Variants in MACF1 observed in about 807,000 individuals in gnomAD.
The protein encoded by MACF1 is microtubule actin crosslinking factor 1.
MACF1 carries 193 observed loss-of-function variants against 854.8 expected under a neutral mutation model. The ratio of observed to expected loss-of-function variants is 0.23; its 90% confidence interval spans 0.20 to 0.25. The LOEUF is 0.25. Among genes scored for constraint, MACF1 ranks in the 10% least tolerant of loss-of-function variants. The pLI is 1.00. For synonymous variants in MACF1, 3,185 were observed against 3,226.7 expected, an observed-to-expected ratio of 0.99 and a Z score of 0.44; for missense variants, 7,722 against 8,929.1, an observed-to-expected ratio of 0.86 and a Z score of 5.45.
At chr1:39,199,269 G>A (rs1474234703) in intron 2 of MACF1, among the ~76,000 whole-genome samples, 1 of 151,868 alleles carries the variant, frequency 6.6e-6, no homozygotes, top group Admixed American at 6.5e-5. Flanking sequence ...ACAGGCGTGA[G>A]CCACTGTGCC....
intron 92 of MACF1, 66 bp from the exon 93 acceptor site, chr1:39,461,817 A>G: frequency 9.9e-7 from 1 of 1,008,318 alleles, no homozygotes; most frequent in Non-Finnish European, 1.4e-6. Context: ...AAAAAAAAAA[A>G]ATCTATAACC....
At chr1:39,205,579 T>C (rs1644440517) in intron 1 of MACF1, among the ~76,000 whole-genome samples, 2 of 152,114 alleles carry the variant, frequency 1.3e-5, no homozygotes, top group Non-Finnish European at 2.9e-5. Context: ...TGGTGTGTTT[T>C]GGGGTGAGAA....
intron 2 of MACF1, among the ~76,000 whole-genome samples, chr1:39,100,560 A>G (rs1192641656): frequency 6.6e-6 from 1 of 152,200 alleles, no homozygotes; most frequent in Non-Finnish European, 1.5e-5. Context: ...CATGCATTTA[A>G]TCAAAAATTT....
chr1:39,268,926 G>A (rs16826022), intron 6 of MACF1: 1 of 1,287,716 alleles, frequency 7.8e-7, no homozygotes, highest in South Asian at 1.2e-5. Flanking sequence ...GGAAGACGGA[G>A]TGGGAGGGGT....
rs747821144 is a variant in MACF1, at chr1:39,447,851, A to G, written c.19921A>G (p.Ile6641Val). The G allele has an allele frequency of 1.6e-5, 26 of 1,614,000 alleles. No homozygotes were observed. The highest frequency in any genetic ancestry group is 2.2e-5 in the East Asian group (1 of 44,894). Residue 6641 changes from isoleucine (I) to valine (V), a missense_variant, in exon 82 of 101, where the codon ATT becomes GTT. Ile to Val is a conservative substitution (Grantham distance 29). This residue lies in a region of MACF1 where 729 missense variants were observed against 900.5 expected (regional missense o/e 0.81). Coordinates refer to ENST00000564288, the MANE Select transcript of MACF1 (RefSeq NM_001394062.1). ...SRWEKVVQRS[I>V]ERGRSLDDAR... ...ATGGGAGAAGGTTGTCCAGCGATCTATTGAAAGAGGGCGATCACTAGATGA... is the reference window on the plus strand; with the variant it reads ...ATGGGAGAAGGTTGTCCAGCGATCTGTTGAAAGAGGGCGATCACTAGATGA...
intron 65 of MACF1, among the ~76,000 whole-genome samples, chr1:39,430,279 T>TAAAA (rs1277119536): frequency 6.6e-6 from 1 of 152,088 alleles, no homozygotes; most frequent in Non-Finnish European, 1.5e-5. Flanking sequence ...TGTAACATTT[T>TAAAA]AACCTCTATT....
At chr1:39,205,870 C>G (rs989482041) in intron 1 of MACF1, among the ~76,000 whole-genome samples, 2 of 152,046 alleles carry the variant, frequency 1.3e-5, no homozygotes, top group Non-Finnish European at 2.9e-5. Flanking sequence ...CTGTTGACTT[C>G]TAAACACTCA....
intron 87 of MACF1, 36 bp from the exon 88 acceptor site, chr1:39,453,670 CT>C (rs745522177): frequency 6.2e-7 from 1 of 1,604,076 alleles, no homozygotes; most frequent in Non-Finnish European, 8.5e-7. Flanking sequence ...CTAATGTAGA[CT>C]TTTTACGTTT....
At chr1:39,417,485 G>A (rs1643359442) in intron 58 of MACF1, among the ~76,000 whole-genome samples, 1 of 151,932 alleles carries the variant, frequency 6.6e-6, no homozygotes, top group Admixed American at 6.6e-5. Context: ...ATCTTCATTG[G>A]TTTTTTGCAT....
Position 39,434,401 on chromosome 1 carries a change from T to C in MACF1, c.17566-13T>C. The C allele has an allele frequency of 7.0e-7, 1 of 1,438,236 alleles. No homozygotes were observed. Among genetic ancestry groups the C allele is most frequent in the Non-Finnish European group, 9.5e-7 (1 of 1,053,936 alleles). 89.1% of individuals were successfully genotyped at this position (1,438,236 alleles called of 1,614,324 possible). On this transcript the variant is annotated splice_polypyrimidine_tract_variant and intron_variant, in intron 68 of 100. Transcript: ENST00000564288. Reference sequence around the variant, plus strand: ...AATACTTATCCTTTTTTTTTTTTTTTTTGCTCACATAGGAAAAGACAGAGT... The same window carrying C: ...AATACTTATCCTTTTTTTTTTTTTTCTTGCTCACATAGGAAAAGACAGAGT...
In MACF1 at chr1:39,182,999, A is replaced by G. The variant is rs1644124372; in HGVS notation, c.221-48183A>G. Reference sequence around the variant, plus strand: ...TGGATAAACACACTGTGGCATATCCATACAACAGAATATTATTTGTCAGTG... The same window carrying G: ...TGGATAAACACACTGTGGCATATCCGTACAACAGAATATTATTTGTCAGTG... On this transcript the variant is annotated intron_variant, in intron 2 of 93. Transcript: ENST00000361689. 2.6e-5 allele frequency among the ~76,000 whole-genome samples: 4 copies of G among 152,212 alleles called. No individual in the cohort carries two copies. In the South Asian group the frequency reaches 8.3e-4, roughly 32 times the overall value.
intron 61 of MACF1, among the ~76,000 whole-genome samples, chr1:39,426,347 A>C (rs866529045): frequency 6.6e-6 from 1 of 152,188 alleles, no homozygotes; most frequent in Non-Finnish European, 1.5e-5. Context: ...TTGTCAGGGC[A>C]TAACTAGCAT....
At chr1:39,341,512 A>G (rs903010057) in intron 40 of MACF1, among the ~76,000 whole-genome samples, 2 of 149,610 alleles carry the variant, frequency 1.3e-5, no homozygotes, top group Non-Finnish European at 3.0e-5. Context: ...CCTGGCCAAC[A>G]TGGTGAAACC....
intron 58 of MACF1, among the ~76,000 whole-genome samples, chr1:39,395,019 C>CA (rs1642216337): frequency 6.6e-6 from 1 of 151,914 alleles, no homozygotes; most frequent in Non-Finnish European, 1.5e-5. Context: ...GAAATAAAGA[C>CA]AGTATCCTAA....
At chr1:39,294,874 C>T (rs1645868233) in intron 18 of MACF1, among the ~76,000 whole-genome samples, 172 bp from the exon 19 acceptor site, 1 of 152,120 alleles carries the variant, frequency 6.6e-6, no homozygotes, top group Non-Finnish European at 1.5e-5. Context: ...CCAATAATTC[C>T]AGTGTTTGTG....
chr1:39,139,037 T>G (rs1184289837), intron 2 of MACF1, among the ~76,000 whole-genome samples: 2 of 152,220 alleles, frequency 1.3e-5, no homozygotes, highest in Non-Finnish European at 2.9e-5. Flanking sequence ...TCAAATTGGC[T>G]TCTGCACAAA....
At chr1:39,259,443 G>A (rs535476427) in intron 6 of MACF1, among the ~76,000 whole-genome samples, 3 of 152,016 alleles carry the variant, frequency 2.0e-5, no homozygotes, top group African/African-American at 4.8e-5. Context: ...TATGTTTTTA[G>A]TAGAGATAGA....
intron 2 of MACF1, among the ~76,000 whole-genome samples, chr1:39,186,703 GCT>G (rs1478013567): frequency 6.6e-6 from 1 of 151,984 alleles, no homozygotes; most frequent in Non-Finnish European, 1.5e-5. Flanking sequence ...GAACTCCTGG[GCT>G]CAAGGGATCT....
At chr1:39,237,581 G>A (rs760745237) in intron 2 of MACF1, among the ~76,000 whole-genome samples, 1 of 152,134 alleles carries the variant, frequency 6.6e-6, no homozygotes, top group Non-Finnish European at 1.5e-5. Flanking sequence ...AACAGCTAGG[G>A]AAAATGAGAA....
Sources: gnomAD v4.1 joint callset for allele counts (sites outside exome capture counted in the v4.1 genomes callset) on GRCh38, gnomAD v4.1.1 for gene constraint, gnomAD v4.1.1 regional missense constraint, MANE v1.5 for transcripts, NCBI Gene and HGNC (gene_info 2026-07-23, HGNC 2026-07-21) for gene names.